NHS: variants seen among roughly 807,000 people sequenced by gnomAD.
NHS encodes the protein NHS actin remodeling regulator.
Under a neutral mutation model 72.5 loss-of-function variants are expected in NHS, and 5 were observed. The observed-to-expected ratio is 0.07, with a 90% CI of 0.04 to 0.14. The LOEUF is 0.14. Among genes scored for constraint, NHS ranks in the 10% least tolerant of loss-of-function variants. The pLI is 1.00. For missense variants in NHS, 1,072 were observed against 1,355.7 expected, an observed-to-expected ratio of 0.79 and a Z score of 3.29; for synonymous variants, 464 against 547.7, an observed-to-expected ratio of 0.85 and a Z score of 2.13.
intron 1 of NHS, among the ~76,000 whole-genome samples, chrX:17,608,854 T>C (rs992567787): frequency 8.9e-6 from 1 of 111,896 alleles, no homozygotes; most frequent in Non-Finnish European, 1.9e-5. Flanking sequence ...TCCTAAAGGA[T>C]TTAACAAATA....
intron 1 of NHS, among the ~76,000 whole-genome samples, chrX:17,541,163 C>G (rs2065260626): frequency 8.9e-6 from 1 of 112,169 alleles, no homozygotes; most frequent in African/African-American, 3.2e-5. Context: ...CTCCACAATG[C>G]CATGTGATAG....
chrX:17,690,668 C>G (rs2066190472), intron 2 of NHS, among the ~76,000 whole-genome samples: 1 of 112,005 alleles, frequency 8.9e-6, no homozygotes, highest in South Asian at 3.7e-4. Flanking sequence ...GAGAGACAGA[C>G]AAGTAACCAG....
rs4074761 is a variant in NHS, at chrX:17,460,998, C to T, written c.565+84676C>T. 2.7e-5 allele frequency among the ~76,000 whole-genome samples: 3 copies of T among 111,514 alleles called. 1 individual carries two copies. The South Asian group carries it at 1.1e-3, about 42-fold the overall frequency. On this transcript the variant is annotated intron_variant, in intron 1 of 8. Coordinates refer to ENST00000676302, the MANE Select transcript of NHS (RefSeq NM_001291867.2). ...GTACAAAATATGTATTCACTTCTAA[C>T]TTGGAGAGTTTCTTTGATATAATGA...
At chrX:17,623,094 A>T (rs1430990354) in intron 1 of NHS, among the ~76,000 whole-genome samples, 4 of 110,434 alleles carry the variant, frequency 3.6e-5, no homozygotes, top group African/African-American at 6.6e-5. Flanking sequence ...TGCCCTGCTA[A>T]TTTTTTCTTT....
intron 1 of NHS, among the ~76,000 whole-genome samples, chrX:17,407,082 C>T (rs775138298): frequency 8.9e-6 from 1 of 111,742 alleles, no homozygotes; most frequent in East Asian, 2.8e-4. Flanking sequence ...AAACCTACAT[C>T]TGCTGGCATC....
intron 1 of NHS, among the ~76,000 whole-genome samples, chrX:17,438,108 G>A (rs2064732975): frequency 8.9e-6 from 1 of 112,372 alleles, no homozygotes; most frequent in Non-Finnish European, 1.9e-5. Flanking sequence ...TGGTGCATTT[G>A]AAACTTTAGT....
intron 1 of NHS, among the ~76,000 whole-genome samples, chrX:17,473,902 ATATT>A (rs750807045): frequency 6.3e-5 from 7 of 111,209 alleles, no homozygotes; most frequent in Admixed American, 1.9e-4. Flanking sequence ...ACAATGCTTT[ATATT>A]TATTTATTTA....
intron 1 of NHS, among the ~76,000 whole-genome samples, chrX:17,615,446 T>C (rs1327533181): frequency 9.6e-5 from 10 of 104,674 alleles, no homozygotes; most frequent in African/African-American, 3.5e-4. Context: ...GAGATGAGGT[T>C]CCTCCATATT....
chrX:17,607,919 CTTT>C (rs749347077), intron 1 of NHS, among the ~76,000 whole-genome samples: 4 of 92,262 alleles, frequency 4.3e-5, no homozygotes, highest in Admixed American at 1.2e-4. Flanking sequence ...CTTTTCTTTT[CTTT>C]TTTTTTTTTT....
chrX:17,529,618 G>A (rs1239986796), intron 1 of NHS, among the ~76,000 whole-genome samples: 1 of 111,713 alleles, frequency 9.0e-6, no homozygotes, highest in Admixed American at 9.5e-5. Context: ...GACAACAGCA[G>A]AAAACAGAAA....
chrX:17,591,822 G>A (rs2065604258), intron 1 of NHS, among the ~76,000 whole-genome samples: 1 of 111,914 alleles, frequency 8.9e-6, no homozygotes, highest in Non-Finnish European at 1.9e-5. Context: ...ACCGGGAATG[G>A]AATATATTTC....
chrX:17,528,645 G>A (rs755635231), intron 1 of NHS: 2 of 111,933 alleles, frequency 1.8e-5, no homozygotes, highest in East Asian at 2.8e-4. Context: ...CTCTCTGGGA[G>A]TGCTGGCTAA....
chrX:17,701,530 A>C (rs1333014264), intron 3 of NHS, among the ~76,000 whole-genome samples: 1 of 111,700 alleles, frequency 9.0e-6, no homozygotes, highest in East Asian at 2.8e-4. Context: ...AAATACACAA[A>C]TACTGCAATA....
intron 1 of NHS, among the ~76,000 whole-genome samples, chrX:17,663,410 A>G: frequency 8.9e-6 from 1 of 111,996 alleles, no homozygotes; most frequent in South Asian, 3.8e-4. Context: ...ACCTTTTGGC[A>G]ACCATTATTC....
intron 3 of NHS, among the ~76,000 whole-genome samples, chrX:17,693,723 C>T (rs1295883907): frequency 1.8e-5 from 2 of 112,747 alleles, no homozygotes; most frequent in African/African-American, 6.4e-5. Flanking sequence ...TCATCAAGTG[C>T]ACACTGAGCG....
chrX:17,375,955 G>T lies in NHS; in HGVS notation c.198G>T (p.Gly66=), dbSNP rs1272864905. 2.8e-6 allele frequency: 3 copies of T among 1,076,616 alleles called. 1 individual carries two copies. The highest frequency in any genetic ancestry group is 4.6e-5 in the South Asian group (2 of 43,745). The allele number at this position is 1,076,616 out of a possible 1,213,427, so 88.7% of individuals were successfully genotyped here. A position where few individuals can be genotyped will look rare whatever the true frequency, so the allele number is the denominator to read the frequency against. The change falls in exon 1 of 9, where the codon GGG becomes GGT. Residue 66 remains glycine, a synonymous_variant. Coordinates refer to ENST00000676302, the MANE Select transcript of NHS (RefSeq NM_001291867.2). ...EPARAVPAPS[G]LPPPPPPLPA... ...CCCGCGCCGTCCCTGCACCTTCAGGGCTGCCACCGCCGCCGCCGCCACTGC... is the reference window on the plus strand; with the variant it reads ...CCCGCGCCGTCCCTGCACCTTCAGGTCTGCCACCGCCGCCGCCGCCACTGC...
intron 1 of NHS, among the ~76,000 whole-genome samples, chrX:17,453,695 T>C (rs1265913330): frequency 8.9e-6 from 1 of 112,469 alleles, no homozygotes; most frequent in Non-Finnish European, 1.9e-5. Context: ...GTCCATTGGC[T>C]TCACCAGCTT....
intron 1 of NHS, among the ~76,000 whole-genome samples, chrX:17,403,229 C>T (rs1043650712): frequency 2.7e-5 from 3 of 112,179 alleles, no homozygotes; most frequent in African/African-American, 6.5e-5. Flanking sequence ...TACTTCCACT[C>T]ACATTCTTTT....
chrX:17,727,767 T>C lies in NHS; in HGVS notation c.3661T>C (p.Ser1221Pro). Residue 1221 changes from serine to proline, a missense_variant, in exon 7 of 9, where the codon TCT (serine) becomes CCT (proline). By Grantham distance (74) the Ser-to-Pro change is moderately conservative. Transcript: ENST00000676302. ...GPDKLHLEKN[S>P]TFDVKNRCDP... ...AGATAAACTACATTTAGAAAAAAAC[T>C]CTACTTTTGATGTGAAGAATCGCTG... 2.5e-6 allele frequency: 3 copies of C among 1,211,522 alleles called. No individual in the cohort carries two copies. Among genetic ancestry groups the C allele is most frequent in the Non-Finnish European group, 3.4e-6 (3 of 895,428 alleles).
Sources: gnomAD v4.1 joint callset for allele counts (sites outside exome capture counted in the v4.1 genomes callset) on GRCh38, gnomAD v4.1.1 for gene constraint, MANE v1.5 for transcripts, NCBI Gene and HGNC (gene_info 2026-07-23, HGNC 2026-07-21) for gene names.